Variants in BACH2 observed in about 807,000 individuals in gnomAD.
The protein encoded by BACH2 is BACH transcriptional regulator 2, also known as transcription regulator protein BACH2.
BACH2 carries 5 observed loss-of-function variants against 61.8 expected under a neutral mutation model. That is an observed-to-expected ratio of 0.08 (90% CI 0.04 to 0.17). BACH2 has a LOEUF of 0.17. Among genes scored for constraint, BACH2 ranks in the 10% least tolerant of loss-of-function variants. The pLI, the probability that BACH2 is intolerant of heterozygous loss-of-function variation, is 1.00. For synonymous variants in BACH2, 446 were observed against 440.1 expected (o/e 1.01, Z -0.17); for missense variants, 824 against 1,091.1 (o/e 0.76, Z 3.45).
intron 4 of BACH2, among the ~76,000 whole-genome samples, chr6:90,146,092 T>C (rs1784609315): frequency 6.6e-6 from 1 of 152,274 alleles, no homozygotes; most frequent in Non-Finnish European, 1.5e-5. Context: ...ATTCTGAAGA[T>C]GTGAAAGATG....
chr6:90,282,608 C>T (rs1020493477), intron 1 of BACH2, among the ~76,000 whole-genome samples: 6 of 152,054 alleles, frequency 3.9e-5, no homozygotes, highest in South Asian at 2.1e-4. Context: ...AGTGCCGCAA[C>T]GAACATACAC....
intron 2 of BACH2, among the ~76,000 whole-genome samples, chr6:90,267,497 A>G (rs1771376531): frequency 6.6e-6 from 1 of 152,178 alleles, no homozygotes; most frequent in Non-Finnish European, 1.5e-5. Flanking sequence ...TTGGAGTATC[A>G]TCTGACATCA....
chr6:90,268,194 C>A (rs143773347), intron 2 of BACH2, among the ~76,000 whole-genome samples: 2 of 151,734 alleles, frequency 1.3e-5, no homozygotes, highest in African/African-American at 4.8e-5. Flanking sequence ...TTTTTAGAGA[C>A]GAGGTTTCAC....
At chr6:90,040,508 T>C (rs1305673405) in intron 5 of BACH2, among the ~76,000 whole-genome samples, 1 of 151,814 alleles carries the variant, frequency 6.6e-6, no homozygotes, top group Non-Finnish European at 1.5e-5. Flanking sequence ...CTTTTTATTC[T>C]TGGCTATTTT....
chr6:90,115,246 G>T (rs1407794800), intron 4 of BACH2, among the ~76,000 whole-genome samples: 1 of 152,040 alleles, frequency 6.6e-6, no homozygotes, highest in Non-Finnish European at 1.5e-5. Flanking sequence ...AAAGCCTGAG[G>T]AATCACGTTA....
intron 4 of BACH2, among the ~76,000 whole-genome samples, chr6:90,096,725 C>T (rs1451538301): frequency 1.3e-5 from 2 of 152,212 alleles, no homozygotes; most frequent in East Asian, 3.9e-4. Context: ...CAGCTTGAAC[C>T]CTGCCTGGAG....
At chr6:90,056,551 C>T (rs1233652419) in intron 5 of BACH2, among the ~76,000 whole-genome samples, 1 of 151,964 alleles carries the variant, frequency 6.6e-6, no homozygotes, top group Non-Finnish European at 1.5e-5. Flanking sequence ...CTGTCAACAT[C>T]AGACAGATCA....
At chr6:89,991,309 G>GATGGA (rs1238530036) in intron 6 of BACH2, among the ~76,000 whole-genome samples, 1 of 152,162 alleles carries the variant, frequency 6.6e-6, no homozygotes, top group Non-Finnish European at 1.5e-5. Context: ...CCACAGAAAA[G>GATGGA]ATGGAAGAAT....
intron 6 of BACH2, among the ~76,000 whole-genome samples, chr6:89,953,456 C>T (rs1774245175): frequency 6.6e-6 from 1 of 152,030 alleles, no homozygotes; most frequent in Non-Finnish European, 1.5e-5. Context: ...GATGATGAGT[C>T]CAGAGATATT....
intron 4 of BACH2, among the ~76,000 whole-genome samples, chr6:90,183,325 A>G (rs1331454919): frequency 6.6e-6 from 1 of 152,280 alleles, no homozygotes; most frequent in East Asian, 1.9e-4. Flanking sequence ...TGCAGTAGAT[A>G]GTAACCGAGT....
chr6:90,185,255 G>A (rs1462780483), intron 4 of BACH2, among the ~76,000 whole-genome samples: 6 of 152,182 alleles, frequency 3.9e-5, no homozygotes, highest in African/African-American at 1.4e-4. Flanking sequence ...ATGGGCTGGT[G>A]AACAGTTGGA....
rs1428003244 is a variant in BACH2, at chr6:90,066,485, A to T, written c.-13+22476T>A. 5.9e-5 allele frequency among the ~76,000 whole-genome samples: 9 copies of T among 152,296 alleles called. No homozygotes were observed. The South Asian group carries it at 1.7e-3, about 28-fold the overall frequency. On this transcript the variant is annotated intron_variant, in intron 5 of 8. Coordinates refer to ENST00000257749, the MANE Select transcript of BACH2 (RefSeq NM_021813.4). ...AGTTTGGTGGCAGACGGTAGGGTGGATTCCAGGCAAGGAGAATAGTTAGGA... is the reference window on the plus strand; with the variant it reads ...AGTTTGGTGGCAGACGGTAGGGTGGTTTCCAGGCAAGGAGAATAGTTAGGA...
chr6:90,290,373 C>G (rs1772142274), intron 1 of BACH2, among the ~76,000 whole-genome samples: 1 of 152,196 alleles, frequency 6.6e-6, no homozygotes. Flanking sequence ...CTTCATGAGA[C>G]CAGGGGCCAG....
intron 1 of BACH2, among the ~76,000 whole-genome samples, chr6:90,275,517 A>G (rs1771661739): frequency 6.6e-6 from 1 of 152,130 alleles, no homozygotes; most frequent in South Asian, 2.1e-4. Flanking sequence ...CTTAACTTTT[A>G]CCTTCAGGGT....
intron 1 of BACH2, among the ~76,000 whole-genome samples, chr6:90,290,523 T>C (rs776649007): frequency 1.3e-5 from 2 of 152,244 alleles, no homozygotes; most frequent in Admixed American, 1.3e-4. Context: ...TTGGCCCATT[T>C]TGCACTATCC....
chr6:90,292,131 C>T (rs16882625), intron 1 of BACH2, among the ~76,000 whole-genome samples: 7,527 of 152,292 alleles, frequency 0.049, 228 homozygotes, highest in Admixed American at 0.093. Flanking sequence ...CAGGACTGGA[C>T]TGTGTAATGG....
intron 1 of BACH2, among the ~76,000 whole-genome samples, chr6:90,285,524 C>G (rs970410287): frequency 6.6e-6 from 1 of 152,150 alleles, no homozygotes; most frequent in Non-Finnish European, 1.5e-5. Flanking sequence ...CTTAAATATT[C>G]CCAGAAAAAT....
intron 5 of BACH2, among the ~76,000 whole-genome samples, chr6:90,087,418 A>C (rs1781978962): frequency 6.6e-6 from 1 of 152,208 alleles, no homozygotes. Flanking sequence ...ATGCTGTTTC[A>C]AATTCCTACA....
chr6:90,136,697 G>A (rs1215163873), intron 4 of BACH2, among the ~76,000 whole-genome samples: 1 of 151,984 alleles, frequency 6.6e-6, no homozygotes, highest in Non-Finnish European at 1.5e-5. Flanking sequence ...CAGGGCTGGT[G>A]TATCATAAAA....
Sources: gnomAD v4.1 joint callset for allele counts (sites outside exome capture counted in the v4.1 genomes callset) on GRCh38, gnomAD v4.1.1 for gene constraint, MANE v1.5 for transcripts, NCBI Gene and HGNC (gene_info 2026-07-23, HGNC 2026-07-21) for gene names.